BMPER: variants seen among roughly 807,000 people sequenced by gnomAD.
The protein encoded by BMPER is BMP-binding endothelial regulator protein.
BMPER carries 45 observed loss-of-function variants against 87.3 expected under a neutral mutation model. The ratio of observed to expected loss-of-function variants is 0.52; its 90% CI spans 0.41 to 0.66. BMPER has a LOEUF of 0.66. BMPER is among the 30% of genes least tolerant of loss of function. The pLI, the probability that BMPER is intolerant of heterozygous loss-of-function variation, is 0.00. For synonymous variants in BMPER, 326 were observed against 316.2 expected (o/e 1.03, Z -0.33); for missense variants, 784 against 867.5 (o/e 0.90, Z 1.21).
At chr7:33,913,405 T>A (rs924970450) in intron 2 of BMPER, among the ~76,000 whole-genome samples, 5 of 152,122 alleles carry the variant, frequency 3.3e-5, no homozygotes, top group Non-Finnish European at 7.4e-5. Context: ...AAAATAAATT[T>A]TATATAAAGA....
At chr7:33,971,654 C>T (rs938351048) in intron 5 of BMPER, among the ~76,000 whole-genome samples, 2 of 152,050 alleles carry the variant, frequency 1.3e-5, no homozygotes, top group Non-Finnish European at 2.9e-5. Flanking sequence ...AGTAGTTGTC[C>T]AGGCTGCACA....
intron 10 of BMPER, 100 bp downstream of exon 10, chr7:34,058,263 C>A: frequency 9.0e-7 from 1 of 1,115,676 alleles, no homozygotes; most frequent in Non-Finnish European, 1.3e-6. Flanking sequence ...CTCCAGCTCC[C>A]CCAAAGCCTC....
chr7:34,112,392 A>G (rs1362275212), intron 13 of BMPER, among the ~76,000 whole-genome samples: 1 of 142,498 alleles, frequency 7.0e-6, no homozygotes, highest in East Asian at 2.4e-4. Context: ...GCTACTCGGG[A>G]GGCTGAGGCA....
At chr7:34,062,420 CCTT>C (rs1382007532) in intron 11 of BMPER, among the ~76,000 whole-genome samples, 1 of 152,168 alleles carries the variant, frequency 6.6e-6, no homozygotes, top group East Asian at 1.9e-4. Context: ...GAGGGGCTTT[CCTT>C]CTCCCATTAT....
At chr7:34,129,602 G>GAAAGAGAGAAAGAA (rs1187150610) in intron 13 of BMPER, among the ~76,000 whole-genome samples, 1 of 93,086 alleles carries the variant, frequency 1.1e-5, no homozygotes, top group Non-Finnish European at 2.2e-5. Flanking sequence ...GAGAGAGAGA[G>GAAAGAGAGAAAGAA]AGAGAGAAAG....
At position 34,089,979 on chromosome 7, in the gene BMPER, T is replaced by C. The variant is rs568202327; in HGVS notation, c.1745+3887T>C. ...TTTTTTTTAAGCTTCACAAATCAAT[T>C]TGACCCATTTTGGCTAATTTGGCAT... On this transcript the variant is annotated intron_variant, in intron 13 of 14. Coordinates refer to ENST00000649409, the MANE Select transcript of BMPER (RefSeq NM_001365308.1). Among the ~76,000 whole-genome samples, 254 of 152,326 alleles carry C rather than the reference T, an allele frequency of 1.7e-3. 3 individuals carry two copies. The highest frequency in any genetic ancestry group is 5.9e-3 in the African/African-American group (247 of 41,570).
intron 6 of BMPER, among the ~76,000 whole-genome samples, chr7:34,008,100 AATTG>A: frequency 6.6e-6 from 1 of 152,162 alleles, no homozygotes; most frequent in Non-Finnish European, 1.5e-5. Flanking sequence ...TTTAAGAAGA[AATTG>A]ATTGTAAGTC....
At chr7:34,094,513 G>A (rs1000455858) in intron 13 of BMPER, among the ~76,000 whole-genome samples, 1 of 152,220 alleles carries the variant, frequency 6.6e-6, no homozygotes, top group Non-Finnish European at 1.5e-5. Flanking sequence ...ACTGGACAGG[G>A]CAAGGCCTGT....
rs150318908 is a variant in BMPER at position 33,907,161 on chromosome 7, G to A, written c.219+258G>A. Among the ~76,000 whole-genome samples the A allele has an allele frequency of 6.4e-3, 977 of 151,998 alleles. 12 individuals are homozygous for A. The highest frequency in any genetic ancestry group is 9.0e-3 in the Non-Finnish European group (612 of 67,980). ...AAATTTCAGATAGGCTTTGTATGAC[G>A]TCTCGGTGAAATGACAGTTTGTAAT... On this transcript the variant is annotated intron_variant, in intron 2 of 14. Transcript: ENST00000649409.
chr7:34,129,577 GGAGAGAGAGAGA>G (rs759886152), intron 13 of BMPER, among the ~76,000 whole-genome samples: 15 of 47,718 alleles, frequency 3.1e-4, no homozygotes, highest in Admixed American at 1.3e-3. Flanking sequence ...AAGGAAGGAA[GGAGAGAGAGAGA>G]GAGAGAGAGA....
chr7:34,016,917 T>C (rs1240679191), intron 6 of BMPER, among the ~76,000 whole-genome samples: 1 of 151,944 alleles, frequency 6.6e-6, no homozygotes, highest in Non-Finnish European at 1.5e-5. Context: ...GTTGTTTTAT[T>C]AGAAGGAACA....
rs1791255215 is a variant in BMPER at position 34,154,128 on chromosome 7, T to G, written c.*855T>G. ...ATTTTGATTTCTCTGAATCTCAGAG[T>G]AATTTAAGATGGGCAAATCCAATGA... On this transcript the variant is annotated 3_prime_UTR_variant, in exon 15 of 15. Transcript: ENST00000649409. The G allele has an allele frequency of 6.6e-6, 1 of 152,644 alleles. No individual in the cohort carries two copies. Among genetic ancestry groups the G allele is most frequent in the Non-Finnish European group, 1.5e-5 (1 of 68,044 alleles). The allele number at this position is 152,644 out of a possible 1,614,324, so 9.5% of individuals were successfully genotyped here.
chr7:34,146,427 T>TTTTA lies in BMPER; in HGVS notation c.1876+3067_1876+3068insTTTA, dbSNP rs751376586. Among the ~76,000 whole-genome samples the TTTTA allele has an allele frequency of 6.1e-3, 934 of 152,268 alleles. 6 individuals are homozygous for TTTTA. Among genetic ancestry groups the TTTTA allele is most frequent in the Non-Finnish European group, 8.8e-3 (599 of 68,020 alleles). On this transcript the variant is annotated intron_variant, in intron 14 of 14. Coordinates refer to ENST00000649409, the MANE Select transcript of BMPER (RefSeq NM_001365308.1). ...CGCCACCTATGGCACAAAGGACTAA[T>TTTTA]GGAACCCTAATTTAGCATGGGAATT...
intron 2 of BMPER, among the ~76,000 whole-genome samples, chr7:33,923,907 C>T (rs1331853960): frequency 6.6e-6 from 1 of 152,126 alleles, no homozygotes; most frequent in Non-Finnish European, 1.5e-5. Context: ...TATATTCATA[C>T]CCTGAGCAAT....
intron 4 of BMPER, among the ~76,000 whole-genome samples, 193 bp from the exon 5 acceptor site, chr7:33,970,136 G>T (rs1785503462): frequency 6.6e-6 from 1 of 152,200 alleles, no homozygotes; most frequent in Non-Finnish European, 1.5e-5. Flanking sequence ...TGACAGATTT[G>T]CACTGAGTTC....
chr7:33,982,988 T>A (rs2127918449), intron 6 of BMPER, among the ~76,000 whole-genome samples: 2 of 152,278 alleles, frequency 1.3e-5, no homozygotes, highest in South Asian at 4.1e-4. Context: ...AGTTTAGAGT[T>A]GCAGAAAACG....
chr7:33,955,304 C>T (rs1785123550), intron 3 of BMPER, among the ~76,000 whole-genome samples: 1 of 152,214 alleles, frequency 6.6e-6, no homozygotes. Context: ...GATCTCATGG[C>T]ATGAAAGCAG....
intron 5 of BMPER, among the ~76,000 whole-genome samples, chr7:33,974,088 G>T (rs1162307449): frequency 3.9e-5 from 6 of 152,142 alleles, no homozygotes; most frequent in Non-Finnish European, 7.3e-5. Context: ...CCTCTGAACA[G>T]TGCAGCAGAT....
At chr7:33,987,096 G>A (rs892891538) in intron 6 of BMPER, among the ~76,000 whole-genome samples, 1 of 152,018 alleles carries the variant, frequency 6.6e-6, no homozygotes, top group Non-Finnish European at 1.5e-5. Context: ...CATTTTCATT[G>A]CTATCTTGGT....
Sources: allele counts gnomAD v4.1 joint callset (sites outside exome capture counted in the v4.1 genomes callset), GRCh38; gene constraint gnomAD v4.1.1; transcripts MANE v1.5; gene names NCBI Gene and HGNC (gene_info 2026-07-23, HGNC 2026-07-21).